RASSF3: variants seen among roughly 807,000 people sequenced by gnomAD.
The protein encoded by RASSF3 is ras association domain-containing protein 3.
In RASSF3, 19 loss-of-function variants were observed where a neutral mutation model predicts 19.9. The observed-to-expected ratio is 0.96, with a 90% CI of 0.67 to 1.40. The LOEUF is 1.40. RASSF3 is among the 40% of genes most tolerant of loss of function. RASSF3 has a pLI of 0.00. For missense variants in RASSF3, 306 were observed against 289.8 expected (o/e 1.06, Z -0.41); for synonymous variants, 110 against 104.2 (o/e 1.06, Z -0.34).
chr12:64,679,100 T>C (rs1873021662), intron 1 of RASSF3, among the ~76,000 whole-genome samples: 1 of 152,238 alleles, frequency 6.6e-6, no homozygotes, highest in Admixed American at 6.5e-5. Context: ...AGTTGCTGTG[T>C]TGTCCAGACT....
chr12:64,662,752 C>G (rs1261762558), intron 1 of RASSF3, among the ~76,000 whole-genome samples: 4 of 152,132 alleles, frequency 2.6e-5, no homozygotes. Context: ...TAAGCTCCTG[C>G]TGGGGTCCAG....
rs146202157 is a variant in RASSF3, at chr12:64,534,699, G to A, written c.67+1365G>A. Among the ~76,000 whole-genome samples, 323 of 152,214 alleles carry A rather than the reference G, an allele frequency of 2.1e-3. 3 individuals carry two copies. Among genetic ancestry groups the A allele is most frequent in the African/African-American group, 7.1e-3 (297 of 41,546 alleles). On this transcript the variant is annotated intron_variant, in intron 1 of 1. Transcript: ENST00000636333. ...AAGAGAGAATAGAGAGACAGAGAGAGACAATGGTATTTTTAGGGTGGGAAG... is the reference window on the plus strand; with the variant it reads ...AAGAGAGAATAGAGAGACAGAGAGAAACAATGGTATTTTTAGGGTGGGAAG...
At chr12:64,657,136 C>G (rs1340408543) in intron 1 of RASSF3, among the ~76,000 whole-genome samples, 1 of 152,032 alleles carries the variant, frequency 6.6e-6, no homozygotes, top group East Asian at 1.9e-4. Context: ...CTCAACCTCC[C>G]TTGTAGCTGG....
chr12:64,675,177 C>G (rs771316369), intron 1 of RASSF3, among the ~76,000 whole-genome samples: 1 of 151,506 alleles, frequency 6.6e-6, no homozygotes, highest in Non-Finnish European at 1.5e-5. Flanking sequence ...AGAATCTGCT[C>G]ACTTCAATGA....
intron 2 of RASSF3, among the ~76,000 whole-genome samples, chr12:64,563,166 T>C (rs1413000615): frequency 6.7e-6 from 1 of 148,976 alleles, no homozygotes; most frequent in East Asian, 1.9e-4. Context: ...TATTTATTTT[T>C]ATTTTTATTT....
intron 1 of RASSF3, among the ~76,000 whole-genome samples, chr12:64,516,975 G>A (rs1343635044): frequency 6.9e-6 from 1 of 144,278 alleles, no homozygotes; most frequent in Non-Finnish European, 1.5e-5. Context: ...CTCCAGCCTG[G>A]GTGAGAAAGT....
chr12:64,620,731 T>C lies in RASSF3; in HGVS notation c.111+9988T>C, dbSNP rs183169797. ...CCTTTTCCATTATGGATTAATTTTA[T>C]AGGATAGTTGTACAAAAATGGAATT... On this transcript the variant is annotated intron_variant, in intron 1 of 4. Transcript: ENST00000542104. 4.6e-5 allele frequency among the ~76,000 whole-genome samples: 7 copies of C among 152,234 alleles called. No homozygotes were observed. The East Asian group carries it at 1.4e-3, about 29-fold the overall frequency.
chr12:64,561,987 G>GTATGTATTTATT (rs757565540), intron 2 of RASSF3, among the ~76,000 whole-genome samples: 28 of 135,440 alleles, frequency 2.1e-4, no homozygotes, highest in Non-Finnish European at 3.7e-4. Flanking sequence ...ATGGCCCATA[G>GTATGTATTTATT]TATTTATTTA....
At chr12:64,690,002 G>A (rs2136223418) in intron 3 of RASSF3, among the ~76,000 whole-genome samples, 1 of 151,590 alleles carries the variant, frequency 6.6e-6, no homozygotes, top group African/African-American at 2.4e-5. Context: ...TGTTAGCTAG[G>A]ATGGTCTCGA....
chr12:64,638,537 G>A lies in RASSF3; in HGVS notation c.111+27794G>A, dbSNP rs547201929. Among the ~76,000 whole-genome samples the A allele has an allele frequency of 4.9e-4, 72 of 147,192 alleles. No individual in the cohort carries two copies. In the South Asian group the frequency reaches 6.8e-3, roughly 14 times the overall value. ...GGAGCTTGCGGTGAGCCGAGATCGC[G>A]CCACTGCACTGCAGCCTGGGCGACA... is the stretch of plus-strand genomic sequence containing the variant. On this transcript the variant is annotated intron_variant, in intron 1 of 4. Coordinates refer to ENST00000542104, the MANE Select transcript of RASSF3 (RefSeq NM_178169.4).
chr12:64,568,004 CTG>C (rs1869458151), intron 2 of RASSF3, among the ~76,000 whole-genome samples: 1 of 152,166 alleles, frequency 6.6e-6, no homozygotes, highest in South Asian at 2.1e-4. Flanking sequence ...TCCGTGGTGT[CTG>C]TGTTTGCTTG....
chr12:64,669,426 T>C (rs927838566), intron 1 of RASSF3, among the ~76,000 whole-genome samples: 3 of 152,050 alleles, frequency 2.0e-5, no homozygotes, highest in African/African-American at 4.8e-5. Context: ...GATGTGGCTC[T>C]AGGCAGGGCA....
chr12:64,637,397 A>G (rs900564223), intron 1 of RASSF3, among the ~76,000 whole-genome samples: 7 of 150,966 alleles, frequency 4.6e-5, no homozygotes, highest in African/African-American at 1.7e-4. Flanking sequence ...CTCCAGAGAT[A>G]GGTGGGTAGT....
At chr12:64,637,083 G>C (rs1281460632) in intron 1 of RASSF3, among the ~76,000 whole-genome samples, 1 of 152,134 alleles carries the variant, frequency 6.6e-6, no homozygotes, top group South Asian at 2.1e-4. Flanking sequence ...AGTAACAGCT[G>C]TGTAAATGAG....
At chr12:64,634,032 G>T (rs1871248527) in intron 1 of RASSF3, among the ~76,000 whole-genome samples, 1 of 152,120 alleles carries the variant, frequency 6.6e-6, no homozygotes, top group African/African-American at 2.4e-5. Context: ...TACTGGGGAG[G>T]CTGAGGTGGG....
intron 1 of RASSF3, among the ~76,000 whole-genome samples, chr12:64,629,277 A>ATT (rs897957648): frequency 2.8e-4 from 39 of 141,584 alleles, no homozygotes; most frequent in African/African-American, 9.0e-4. Context: ...AATTTTTCGT[A>ATT]TTTTTTTTTT....
At chr12:64,665,038 C>T (rs1428853152) in intron 1 of RASSF3, among the ~76,000 whole-genome samples, 1 of 152,188 alleles carries the variant, frequency 6.6e-6, no homozygotes, top group African/African-American at 2.4e-5. Flanking sequence ...CCTTCCACCT[C>T]TAAAAAGTCA....
chr12:64,614,328 A>G (rs907308045), intron 1 of RASSF3, among the ~76,000 whole-genome samples: 5 of 151,962 alleles, frequency 3.3e-5, no homozygotes, highest in African/African-American at 9.7e-5. Context: ...GGGTCTCACC[A>G]TGTTGGCCAG....
At chr12:64,655,699 A>G (rs998906039) in intron 1 of RASSF3, among the ~76,000 whole-genome samples, 2 of 152,142 alleles carry the variant, frequency 1.3e-5, no homozygotes, top group Non-Finnish European at 2.9e-5. Context: ...AAAAAATGCT[A>G]CCATTTCAGG....
Sources: gnomAD v4.1 joint callset for allele counts (sites outside exome capture counted in the v4.1 genomes callset) on GRCh38, gnomAD v4.1.1 for gene constraint, MANE v1.5 for transcripts, NCBI Gene and HGNC (gene_info 2026-07-23, HGNC 2026-07-21) for gene names.